PCID2: variants seen among roughly 807,000 people sequenced by gnomAD.
PCID2 encodes PCI domain containing 2, also known as PCI domain-containing protein 2.
Under a neutral mutation model 61.3 loss-of-function variants are expected in PCID2, and 41 were observed. The observed-to-expected ratio is 0.67, with a 90% CI of 0.52 to 0.87. The LOEUF (loss-of-function observed/expected upper bound fraction) is 0.87, where lower values mean the gene tolerates loss of function less well. PCID2 is among the 40% of genes least tolerant of loss of function. The pLI, the probability that PCID2 is intolerant of heterozygous loss-of-function variation, is 0.00. For synonymous variants in PCID2, 187 were observed against 177.8 expected (o/e 1.05, Z -0.41); for missense variants, 392 against 493.4 (o/e 0.79, Z 1.95).
Position 113,178,061 on chromosome 13 carries a change from GCCTCAGCATCC to G in PCID2, c.*126_*136del. The G allele has an allele frequency of 3.6e-6, 2 of 561,056 alleles. No individual in the cohort carries two copies. The highest frequency in any genetic ancestry group is 3.2e-6 in the Non-Finnish European group (1 of 311,602). 34.8% of individuals were successfully genotyped at this position (561,056 alleles called of 1,614,324 possible). A position where few individuals can be genotyped will look rare whatever the true frequency, so the allele number is the denominator to read the frequency against. On this transcript the variant is annotated 3_prime_UTR_variant, in exon 14 of 14. Coordinates refer to ENST00000337344, the MANE Select transcript of PCID2 (RefSeq NM_001127202.4). ...TAACTCGGGTGTGCTGAAAATCTCA[GCCTCAGCATCC>G]CTGGGAAAAGCGCCTCCAAGAGTTC... is the stretch of plus-strand genomic sequence containing the variant.
At chr13:113,173,840 A>G (rs1481967149), downstream of PCID2, among the ~76,000 whole-genome samples, 2 of 152,244 alleles carry the variant, frequency 1.3e-5, no homozygotes, top group Admixed American at 6.5e-5. Context: ...TGAACATGGC[A>G]GGCTTTCTGT....
chr13:113,184,469 A>G lies in PCID2; in HGVS notation c.562T>C (p.Cys188Arg). ...IYFKINKLHLCKPLIRAIDSS... is the reference protein window; with the variant it reads ...IYFKINKLHLRKPLIRAIDSS... ...TCAATTGCTCTAATTAGGGGTTTAC[A>G]TAAATGGAGTTTGTTGATCTATAAT... The change falls in exon 9 of 14, where the codon TGT (cysteine) becomes CGT (arginine). Residue 188 changes from cysteine (C) to arginine (R), a missense_variant. This residue lies in a region of PCID2 where 226 missense variants were observed against 296.5 expected (regional missense o/e 0.76). Transcript: ENST00000337344. 6.3e-7 allele frequency: 1 copy of G among 1,585,208 alleles called. No individual in the cohort carries two copies.
chr13:113,188,995 C>T (rs1035048997), intron 7 of PCID2, among the ~76,000 whole-genome samples: 1 of 152,070 alleles, frequency 6.6e-6, no homozygotes. Context: ...ACCTGATCCC[C>T]GTTGTTGGAG....
intron 1 of PCID2, chr13:113,208,329 TG>T: frequency 7.0e-7 from 1 of 1,432,912 alleles, no homozygotes; most frequent in South Asian, 1.5e-5. Flanking sequence ...GGCAGCGACC[TG>T]GGACCGCCGC....
chr13:113,171,962 G>C, the PCID2 span: 1 of 1,613,584 alleles, frequency 6.2e-7, no homozygotes, highest in Non-Finnish European at 8.5e-7. The surrounding 1 kb of genome is among the most constrained non-coding windows in gnomAD (Gnocchi z 5.1). Flanking sequence ...CTGGATGGAT[G>C]GAAGTGTGGT....
chr13:113,172,152 T>G, the PCID2 span: 2 of 1,602,218 alleles, frequency 1.2e-6, no homozygotes, highest in African/African-American at 1.3e-5. Context: ...GAAGCGGGAT[T>G]CCAAGCTGGC....
chr13:113,208,370 C>G, intron 1 of PCID2: 1 of 1,434,222 alleles, frequency 7.0e-7, no homozygotes. Flanking sequence ...ACTCCGCGAT[C>G]CACGGACACC....
In PCID2 at chr13:113,200,532, G is replaced by A; in HGVS notation, c.37-16C>T. The A allele has an allele frequency of 6.5e-7, 1 of 1,538,122 alleles. No homozygotes were observed. Among genetic ancestry groups the A allele is most frequent in the Non-Finnish European group, 9.0e-7 (1 of 1,111,142 alleles). ...CTTCGTACACCTGAAACATTTGAAA[G>A]GGAAACCTAAGTAGAAAATAAAATA... is the stretch of plus-strand genomic sequence containing the variant. On this transcript the variant is annotated splice_polypyrimidine_tract_variant and intron_variant, in intron 1 of 13. Transcript: ENST00000337344.
chr13:113,185,404 T>G (rs2038020803), intron 8 of PCID2, 81 bp downstream of exon 8: 9 of 943,740 alleles, frequency 9.5e-6, no homozygotes, highest in Non-Finnish European at 1.6e-5. Flanking sequence ...CCAGGGAGGC[T>G]AGCTGATATA....
At chr13:113,207,414 T>C (rs933999185) in intron 1 of PCID2, among the ~76,000 whole-genome samples, 2 of 152,240 alleles carry the variant, frequency 1.3e-5, no homozygotes, top group African/African-American at 4.8e-5. Flanking sequence ...AATGCCTATA[T>C]CCTTGTTTAA....
downstream of PCID2, among the ~76,000 whole-genome samples, chr13:113,174,573 T>C (rs181661625): frequency 1.2e-4 from 18 of 152,320 alleles, no homozygotes; most frequent in Non-Finnish European, 2.1e-4. Flanking sequence ...TAGCTCATAG[T>C]GGGCTCAACT....
chr13:113,193,585 T>C lies in PCID2; in HGVS notation c.363+1486A>G, dbSNP rs544108916. Among the ~76,000 whole-genome samples the C allele has an allele frequency of 2.6e-4, 40 of 152,346 alleles. 1 individual carries two copies. In the South Asian group the frequency reaches 7.0e-3, roughly 27 times the overall value. On this transcript the variant is annotated intron_variant, in intron 6 of 13. Coordinates refer to ENST00000337344, the MANE Select transcript of PCID2 (RefSeq NM_001127202.4). ...TATTTTTTATTTAAAAAGTCAGTTATGTTACATGTAAAAGGTTTATTATTG... is the reference window on the plus strand; with the variant it reads ...TATTTTTTATTTAAAAAGTCAGTTACGTTACATGTAAAAGGTTTATTATTG...
At chr13:113,197,942 C>A (rs551213776) in intron 3 of PCID2, among the ~76,000 whole-genome samples, 1 of 152,322 alleles carries the variant, frequency 6.6e-6, no homozygotes, top group South Asian at 2.1e-4. Flanking sequence ...AACAGTTCGG[C>A]TCCAAACTCT....
At chr13:113,170,652 C>A in the PCID2 span, 1 of 696,830 alleles carries the variant, frequency 1.4e-6, no homozygotes, top group Non-Finnish European at 2.6e-6. Context: ...AATTTACTGT[C>A]AATAAAACTG....
At chr13:113,166,574 G>A in the PCID2 span, 1 of 152,328 alleles carries the variant, frequency 6.6e-6, no homozygotes, top group African/African-American at 2.4e-5. Context: ...AAGCCACCCA[G>A]CTCCAAGGTG....
At chr13:113,172,229 C>G in the PCID2 span, 1 of 1,373,900 alleles carries the variant, frequency 7.3e-7, no homozygotes. Flanking sequence ...CCAGACCACC[C>G]GCTTGGCCCA....
chr13:113,166,335 G>A, the PCID2 span: 1 of 152,232 alleles, frequency 6.6e-6, no homozygotes, highest in African/African-American at 2.4e-5. Flanking sequence ...AATCTGGTGT[G>A]AATTTACACT....
Position 113,207,812 on chromosome 13 carries a change from A to G in PCID2, c.36+787T>C, listed in dbSNP as rs147522437. Among the ~76,000 whole-genome samples, 22 of 152,316 alleles carry G rather than the reference A, an allele frequency of 1.4e-4. No individual in the cohort carries two copies. In the East Asian group the frequency reaches 4.2e-3, roughly 29 times the overall value. On this transcript the variant is annotated intron_variant, in intron 1 of 13. Transcript: ENST00000337344. ...TTTTTCCCAGATTACAAGCCTGGGAATCATTCTTAACTCCTCCGTGTCCCT... is the reference window on the plus strand; with the variant it reads ...TTTTTCCCAGATTACAAGCCTGGGAGTCATTCTTAACTCCTCCGTGTCCCT...
At chr13:113,180,101 A>C in intron 11 of PCID2, 57 bp downstream of exon 11, 2 of 1,613,700 alleles carry the variant, frequency 1.2e-6, no homozygotes, top group Non-Finnish European at 1.7e-6. Flanking sequence ...CGTGCACGTC[A>C]ACTCTCATCA....
Sources: allele counts gnomAD v4.1 joint callset (sites outside exome capture counted in the v4.1 genomes callset), GRCh38; gene constraint gnomAD v4.1.1; regional missense constraint gnomAD v4.1.1; non-coding constraint Gnocchi (gnomAD v3.1); transcripts MANE v1.5; gene names NCBI Gene and HGNC (gene_info 2026-07-23, HGNC 2026-07-21).